Variants in SHQ1 observed in about 807,000 individuals in gnomAD.
SHQ1 encodes protein SHQ1 homolog.
In SHQ1, 49 loss-of-function variants were observed where a neutral mutation model predicts 53.8. The ratio of observed to expected loss-of-function variants is 0.91; its 90% confidence interval spans 0.72 to 1.16. SHQ1 has a LOEUF of 1.16. Ranked by LOEUF, SHQ1 falls within the 50% of genes most tolerant of loss-of-function variation. SHQ1 has a pLI of 0.00. For missense variants in SHQ1, 738 were observed against 683.1 expected, an observed-to-expected ratio of 1.08 and a Z score of -0.90; for synonymous variants, 243 against 251.0, an observed-to-expected ratio of 0.97 and a Z score of 0.30.
chr3:72,767,337 C>T (rs62251654), intron 10 of SHQ1, among the ~76,000 whole-genome samples: 34,494 of 152,148 alleles, frequency 0.23, 4,128 homozygotes, highest in Non-Finnish European at 0.25. Flanking sequence ...TGCTGGCTCA[C>T]GCTCTGAAGC....
At chr3:72,727,115 A>C in the SHQ1 span, among the ~76,000 whole-genome samples, 1 of 152,140 alleles carries the variant, frequency 6.6e-6, no homozygotes, top group Admixed American at 6.5e-5. Flanking sequence ...AAGCAAAACC[A>C]TGGAACCAGG....
At chr3:72,815,547 T>C (rs1707286630) in intron 7 of SHQ1, 144 bp from the exon 8 acceptor site, 1 of 578,912 alleles carries the variant, frequency 1.7e-6, no homozygotes, top group Non-Finnish European at 3.0e-6. Context: ...AGAAAAATAA[T>C]TATTTTGCTG....
chr3:72,823,601 C>T (rs1343391521), intron 6 of SHQ1, among the ~76,000 whole-genome samples: 6 of 152,152 alleles, frequency 3.9e-5, no homozygotes, highest in Non-Finnish European at 8.8e-5. Context: ...TCAGGTAGAT[C>T]TCTACATACT....
At chr3:72,735,240 A>G in the SHQ1 span, among the ~76,000 whole-genome samples, 1 of 151,426 alleles carries the variant, frequency 6.6e-6, no homozygotes. Flanking sequence ...GCTTTAAAAC[A>G]CCTACCATTT....
At chr3:72,783,029 C>T (rs1450753258) in intron 10 of SHQ1, among the ~76,000 whole-genome samples, 1 of 152,132 alleles carries the variant, frequency 6.6e-6, no homozygotes, top group Admixed American at 6.5e-5. Flanking sequence ...TACAAAAATA[C>T]ACAAGAACAA....
chr3:72,768,703 C>T (rs1705785741), intron 10 of SHQ1, among the ~76,000 whole-genome samples: 1 of 152,198 alleles, frequency 6.6e-6, no homozygotes, highest in Admixed American at 6.5e-5. Flanking sequence ...GCATGGCCAG[C>T]AGTTTTTTCC....
chr3:72,736,994 G>C, the SHQ1 span, among the ~76,000 whole-genome samples: 4 of 151,970 alleles, frequency 2.6e-5, no homozygotes, highest in Non-Finnish European at 5.9e-5. Context: ...GTTAGGCCGG[G>C]GGTGGTGGCT....
chr3:72,770,059 T>A (rs1705812858), intron 10 of SHQ1, among the ~76,000 whole-genome samples: 1 of 152,238 alleles, frequency 6.6e-6, no homozygotes, highest in Non-Finnish European at 1.5e-5. Flanking sequence ...AGTAAGCCCT[T>A]GATAAATGCT....
At chr3:72,732,147 T>A in the SHQ1 span, among the ~76,000 whole-genome samples, 1 of 151,578 alleles carries the variant, frequency 6.6e-6, no homozygotes, top group Non-Finnish European at 1.5e-5. Context: ...CCGGGCTCAC[T>A]GCATCATCTC....
At chr3:72,766,660 C>T (rs191115454) in intron 10 of SHQ1, among the ~76,000 whole-genome samples, 1 of 152,314 alleles carries the variant, frequency 6.6e-6, no homozygotes, top group African/African-American at 2.4e-5. Context: ...AGGGCTCATG[C>T]CTCAGACACC....
At chr3:72,728,301 G>A in the SHQ1 span, among the ~76,000 whole-genome samples, 4 of 152,316 alleles carry the variant, frequency 2.6e-5, no homozygotes, top group Admixed American at 6.5e-5. Flanking sequence ...GCAGAGCCTG[G>A]CAAGCAACCC....
the SHQ1 span, among the ~76,000 whole-genome samples, chr3:72,727,618 C>T: frequency 4.1e-4 from 63 of 152,256 alleles, 1 homozygote; most frequent in South Asian, 0.012. Flanking sequence ...TTTTCAGAAG[C>T]GTTTTGTTTT....
intron 10 of SHQ1, among the ~76,000 whole-genome samples, chr3:72,766,719 G>A (rs993568564): frequency 9.9e-5 from 15 of 152,268 alleles, no homozygotes; most frequent in Admixed American, 9.2e-4. Flanking sequence ...CCTGGTGCAG[G>A]TCTGCCGGTG....
chr3:72,795,123 G>A (rs1706565956), intron 9 of SHQ1: 1 of 152,188 alleles, frequency 6.6e-6, no homozygotes, highest in Non-Finnish European at 1.5e-5. Flanking sequence ...TAGTAAGTCT[G>A]AAAACAGAGT....
At chr3:72,837,439 G>T (rs1708034965) in intron 4 of SHQ1, among the ~76,000 whole-genome samples, 1 of 152,074 alleles carries the variant, frequency 6.6e-6, no homozygotes, top group African/African-American at 2.4e-5. Flanking sequence ...TTGAAATTAT[G>T]AATAATTTTT....
At chr3:72,726,455 C>G in the SHQ1 span, among the ~76,000 whole-genome samples, 1 of 152,154 alleles carries the variant, frequency 6.6e-6, no homozygotes, top group Non-Finnish European at 1.5e-5. Context: ...CAGGCTCAAG[C>G]AATTCTCCTG....
At chr3:72,730,153 T>C in the SHQ1 span, among the ~76,000 whole-genome samples, 27 of 152,064 alleles carry the variant, frequency 1.8e-4, no homozygotes, top group South Asian at 1.2e-3. Flanking sequence ...GGTCTCACTG[T>C]TGCCCAGGCT....
At chr3:72,731,078 C>T in the SHQ1 span, among the ~76,000 whole-genome samples, 1 of 137,628 alleles carries the variant, frequency 7.3e-6, no homozygotes, top group Non-Finnish European at 1.6e-5. Context: ...TGGGACCACC[C>T]CTGTGGTGGG....
At chr3:72,762,342 T>C (rs570080046) in intron 10 of SHQ1, among the ~76,000 whole-genome samples, 2 of 152,282 alleles carry the variant, frequency 1.3e-5, no homozygotes, top group Admixed American at 1.3e-4. Flanking sequence ...AGGTACAATG[T>C]CCATAAAGAA....
Sources: gnomAD v4.1 joint callset for allele counts (sites outside exome capture counted in the v4.1 genomes callset) on GRCh38, gnomAD v4.1.1 for gene constraint, MANE v1.5 for transcripts, NCBI Gene and HGNC (gene_info 2026-07-23, HGNC 2026-07-21) for gene names.